NRXN1: variants seen among roughly 807,000 people sequenced by gnomAD.
NRXN1 encodes neurexin-1.
A neutral mutation model predicts 150.9 loss-of-function variants in NRXN1; 39 were observed. The observed-to-expected ratio is 0.26, with a 90% CI of 0.20 to 0.34. The LOEUF is 0.34. NRXN1 is among the 10% of genes least tolerant of loss of function. The probability of loss-of-function intolerance (pLI) is 1.00; values close to 1 mark genes in which losing one functional copy is unlikely to be tolerated. For synonymous variants in NRXN1, 924 were observed against 757.0 expected, an observed-to-expected ratio of 1.22 and a Z score of -3.62; for missense variants, 1,815 against 1,949.9, an observed-to-expected ratio of 0.93 and a Z score of 1.30.
chr2:50,292,724 T>C (rs768777240), intron 17 of NRXN1, among the ~76,000 whole-genome samples: 21 of 152,236 alleles, frequency 1.4e-4, no homozygotes, highest in Non-Finnish European at 2.6e-4. Context: ...CTTTGAAATT[T>C]GTTGCAAAGA....
At chr2:50,052,942 T>C (rs1692955306) in intron 21 of NRXN1, among the ~76,000 whole-genome samples, 1 of 152,168 alleles carries the variant, frequency 6.6e-6, no homozygotes. Context: ...TTTCATTAAC[T>C]TGTTCATTTA....
intron 18 of NRXN1, among the ~76,000 whole-genome samples, chr2:50,197,042 T>C (rs540463630): frequency 1.2e-4 from 18 of 152,258 alleles, no homozygotes; most frequent in African/African-American, 4.3e-4. Flanking sequence ...TCTTCACATG[T>C]ACCCCCAAAC....
chr2:50,389,781 G>T (rs1417608647), intron 17 of NRXN1, among the ~76,000 whole-genome samples: 1 of 152,110 alleles, frequency 6.6e-6, no homozygotes, highest in Admixed American at 6.5e-5. Context: ...ATGACCATAG[G>T]AGAGTAACTG....
At chr2:50,385,094 A>T (rs2081239240) in intron 17 of NRXN1, among the ~76,000 whole-genome samples, 1 of 152,208 alleles carries the variant, frequency 6.6e-6, no homozygotes, top group Admixed American at 6.5e-5. Context: ...TTCACATAAA[A>T]ATTAGCAAGC....
chr2:49,921,772 A>G lies in NRXN1; in HGVS notation c.*172T>C, dbSNP rs1668240100. 4.4e-6 allele frequency: 3 copies of G among 687,902 alleles called. No homozygotes were observed. Among genetic ancestry groups the G allele is most frequent in the Non-Finnish European group, 7.0e-6 (3 of 430,646 alleles). 42.6% of individuals were successfully genotyped at this position (687,902 alleles called of 1,614,324 possible). A position where few individuals can be genotyped will look rare whatever the true frequency, so the allele number is the denominator to read the frequency against. ...TTGTTTTTTGTTTTTCTTTTTTGAG[A>G]AACAAGAGCATGAGATACTTGTTTT... On this transcript the variant is annotated 3_prime_UTR_variant, in exon 23 of 23. Coordinates refer to ENST00000401669, the MANE Select transcript of NRXN1 (RefSeq NM_001330078.2).
intron 21 of NRXN1, chr2:49,970,760 T>G (rs1393129033): frequency 6.6e-6 from 1 of 152,158 alleles, no homozygotes; most frequent in Non-Finnish European, 1.5e-5. Flanking sequence ...ATCTTGAATT[T>G]GCACAAAGAT....
chr2:50,613,029 A>T (rs1678446440), intron 8 of NRXN1, among the ~76,000 whole-genome samples: 1 of 152,152 alleles, frequency 6.6e-6, no homozygotes, highest in Non-Finnish European at 1.5e-5. Flanking sequence ...GCCTATAACA[A>T]ACTGGGTTAA....
chr2:50,517,923 G>A (rs1387868707), intron 12 of NRXN1, among the ~76,000 whole-genome samples: 8 of 151,998 alleles, frequency 5.3e-5, no homozygotes, highest in South Asian at 2.1e-4. Flanking sequence ...AGTATTTCTC[G>A]ATGCTTCACC....
intron 12 of NRXN1, among the ~76,000 whole-genome samples, chr2:50,509,987 A>G (rs1426382424): frequency 6.6e-6 from 1 of 152,160 alleles, no homozygotes; most frequent in East Asian, 1.9e-4. Flanking sequence ...CCATGTGAGG[A>G]TACAAAGAGA....
rs368084661 is a variant in NRXN1, at chr2:50,156,838, C to A, written c.3547-65344G>T. On this transcript the variant is annotated intron_variant, in intron 18 of 22. Transcript: ENST00000401669. ...TACTGCTATTGGTTTGAATTACCTG[C>A]AACATGTAAAGCATATATGCGATTC... Among the ~76,000 whole-genome samples, 13 of 152,030 alleles carry A rather than the reference C, an allele frequency of 8.6e-5. No individual in the cohort carries two copies. In the East Asian group the frequency reaches 1.4e-3, roughly 16 times the overall value.
chr2:49,993,200 C>A (rs1682324249), intron 21 of NRXN1, among the ~76,000 whole-genome samples: 1 of 152,102 alleles, frequency 6.6e-6, no homozygotes, highest in Non-Finnish European at 1.5e-5. Context: ...AATGGTGGTA[C>A]ACCCAGATAA....
At chr2:50,175,688 CTTAATT>C (rs1399577643) in intron 18 of NRXN1, among the ~76,000 whole-genome samples, 1 of 151,936 alleles carries the variant, frequency 6.6e-6, no homozygotes, top group Non-Finnish European at 1.5e-5. Context: ...AGAAAAACTG[CTTAATT>C]TTATGTATAA....
chr2:50,998,844 C>T (rs1699663266), intron 2 of NRXN1, among the ~76,000 whole-genome samples: 3 of 151,942 alleles, frequency 2.0e-5, no homozygotes, highest in African/African-American at 7.3e-5. Flanking sequence ...ACAGTATAAA[C>T]TTGATAAATG....
intron 5 of NRXN1, among the ~76,000 whole-genome samples, chr2:50,861,612 T>G (rs558524880): frequency 2.0e-5 from 3 of 152,102 alleles, no homozygotes; most frequent in South Asian, 2.1e-4. Flanking sequence ...TCCATGGTCC[T>G]GGTTCCCACA....
intron 5 of NRXN1, among the ~76,000 whole-genome samples, chr2:50,853,780 G>C (rs777480524): frequency 5.3e-5 from 8 of 151,988 alleles, no homozygotes; most frequent in Non-Finnish European, 1.0e-4. Context: ...ATCTGTACTT[G>C]TCACTGTTAT....
intron 2 of NRXN1, among the ~76,000 whole-genome samples, chr2:50,962,278 G>A (rs1693320298): frequency 6.6e-6 from 1 of 151,704 alleles, no homozygotes; most frequent in South Asian, 2.1e-4. Context: ...TTCTGTCACT[G>A]TTCTTCCTAT....
intron 18 of NRXN1, among the ~76,000 whole-genome samples, chr2:50,095,048 G>A (rs1377452679): frequency 3.3e-5 from 5 of 152,282 alleles, no homozygotes; most frequent in Non-Finnish European, 7.3e-5. Flanking sequence ...ATCCCTGGAG[G>A]AATAAGAGAG....
intron 5 of NRXN1, among the ~76,000 whole-genome samples, chr2:50,659,236 G>T (rs1180768300): frequency 1.3e-5 from 2 of 152,012 alleles, no homozygotes; most frequent in African/African-American, 4.8e-5. Context: ...GCCAGTGCAT[G>T]TTTTTATGCA....
intron 17 of NRXN1, among the ~76,000 whole-genome samples, chr2:50,315,411 C>T (rs1395879882): frequency 1.3e-5 from 2 of 152,134 alleles, no homozygotes; most frequent in South Asian, 2.1e-4. Flanking sequence ...GTCTGCTCTA[C>T]TAAAATGGAA....
Sources: gnomAD v4.1 joint callset for allele counts (sites outside exome capture counted in the v4.1 genomes callset) on GRCh38, gnomAD v4.1.1 for gene constraint, MANE v1.5 for transcripts, NCBI Gene and HGNC (gene_info 2026-07-23, HGNC 2026-07-21) for gene names.